The following PRKCE variants were observed in gnomAD, a reference collection of about 807,000 sequenced individuals.
The protein encoded by PRKCE is protein kinase C epsilon, also known as protein kinase C epsilon type.
PRKCE carries 16 observed loss-of-function variants against 85.4 expected under a neutral mutation model. The observed-to-expected ratio is 0.19, with a 90% CI of 0.13 to 0.28. The LOEUF (loss-of-function observed/expected upper bound fraction) is 0.28. Among genes scored for constraint, PRKCE ranks in the 10% least tolerant of loss-of-function variants. The pLI is 1.00. For missense variants in PRKCE, 573 were observed against 975.2 expected (o/e 0.59, Z 5.49); for synonymous variants, 388 against 371.5 (o/e 1.04, Z -0.51).
chr2:45,984,870 A>T (rs763282407), intron 6 of PRKCE, among the ~76,000 whole-genome samples, 190 bp downstream of exon 6: 1 of 152,260 alleles, frequency 6.6e-6, no homozygotes, highest in Non-Finnish European at 1.5e-5. Flanking sequence ...ACCATCCAGG[A>T]CTGGGTGGAG....
In PRKCE at chr2:46,004,455, C is replaced by T. The variant is rs956914866; in HGVS notation, c.967-87C>T. 9.0e-7 allele frequency: 1 copy of T among 1,108,436 alleles called. No homozygotes were observed. The highest frequency in any genetic ancestry group is 1.3e-6 in the Non-Finnish European group (1 of 759,680). The allele number at this position is 1,108,436 out of a possible 1,614,324, so 68.7% of individuals were successfully genotyped here. ...TGCTGCTCTGGGAACTCTCATGGCT[C>T]TTATACGGCATCTTGATGCTTTTGA... On this transcript the variant is annotated intron_variant, in intron 7 of 14. Coordinates refer to ENST00000306156, the MANE Select transcript of PRKCE (RefSeq NM_005400.3). This position sits in a 1 kb window ranked among gnomAD's most constrained non-coding sequence, Gnocchi z 4.1.
At chr2:45,890,851 T>C (rs910278885) in intron 2 of PRKCE, among the ~76,000 whole-genome samples, 1 of 152,084 alleles carries the variant, frequency 6.6e-6, no homozygotes, top group Non-Finnish European at 1.5e-5. Flanking sequence ...TTTTGTTGGA[T>C]AGAGTGGAAT....
intron 11 of PRKCE, among the ~76,000 whole-genome samples, chr2:46,117,960 A>G (rs545072393): frequency 1.3e-5 from 2 of 152,298 alleles, no homozygotes; most frequent in Admixed American, 6.5e-5. Context: ...CTAATCCTCA[A>G]TCCTGTAAAA....
At chr2:46,060,897 G>C (rs930054160) in intron 10 of PRKCE, among the ~76,000 whole-genome samples, 6 of 151,656 alleles carry the variant, frequency 4.0e-5, no homozygotes, top group African/African-American at 1.5e-4. Context: ...GAGTAGCTGG[G>C]ACCGCAGGCG....
At chr2:45,742,478 T>G (rs1682661588) in intron 1 of PRKCE, among the ~76,000 whole-genome samples, 1 of 151,998 alleles carries the variant, frequency 6.6e-6, no homozygotes, top group Non-Finnish European at 1.5e-5. Flanking sequence ...ATGTACATTT[T>G]TCCAAAGAAG....
intron 10 of PRKCE, among the ~76,000 whole-genome samples, chr2:46,014,533 A>G (rs1411060518): frequency 6.6e-6 from 1 of 152,208 alleles, no homozygotes; most frequent in East Asian, 1.9e-4. Context: ...TAACATTGTC[A>G]GTAGTGTTTA....
At chr2:46,061,859 C>CTTTTTTTTT (rs10695600) in intron 10 of PRKCE, among the ~76,000 whole-genome samples, 17 of 107,746 alleles carry the variant, frequency 1.6e-4, no homozygotes, top group South Asian at 2.8e-4. Context: ...TTTTCTTTTT[C>CTTTTTTTTT]TTTTTTTTTT....
Position 46,004,091 on chromosome 2 carries a change from C to T in PRKCE, c.967-451C>T, listed in dbSNP as rs1018267733. The stretch of plus-strand genomic sequence containing the variant: ...ACCACCTTGCTGGGGTAGATACCCA[C>T]GTGGATAGTTGAACATTAGCCTTTT... On this transcript the variant is annotated intron_variant, in intron 7 of 14. Transcript: ENST00000306156. This position sits in a 1 kb window ranked among gnomAD's most constrained non-coding sequence, Gnocchi z 4.1. The T allele has an allele frequency of 5.1e-5, 12 of 236,712 alleles. No individual in the cohort carries two copies. Among genetic ancestry groups the T allele is most frequent in the African/African-American group, 6.8e-5 (3 of 43,986 alleles). The allele number at this position is 236,712 out of a possible 1,614,324, so 14.7% of individuals were successfully genotyped here.
At chr2:45,667,262 G>T (rs1216853036) in intron 1 of PRKCE, among the ~76,000 whole-genome samples, 2 of 151,396 alleles carry the variant, frequency 1.3e-5, no homozygotes, top group Non-Finnish European at 2.9e-5. Context: ...GGTGAGCCGA[G>T]ATCACACCAC....
intron 6 of PRKCE, among the ~76,000 whole-genome samples, chr2:45,996,116 T>G (rs1266887295): frequency 1.3e-5 from 2 of 152,156 alleles, no homozygotes; most frequent in East Asian, 3.8e-4. Context: ...TTTGGGGGAA[T>G]GATAACATAG....
In PRKCE at chr2:45,982,246, G is replaced by C. The variant is rs61764804; in HGVS notation, c.693+1865G>C. ...TTGCCCTCTGCCGGGTTACTGAACT[G>C]CTGGGGACCAAACTTTGAGTTCGTT... On this transcript the variant is annotated intron_variant, in intron 5 of 14. Transcript: ENST00000306156. Among the ~76,000 whole-genome samples the C allele has an allele frequency of 3.3e-3, 485 of 145,346 alleles. 3 individuals are homozygous for C. The highest frequency in any genetic ancestry group is 0.012 in the African/African-American group (460 of 38,270).
At chr2:45,945,544 G>A (rs1232394004) in intron 2 of PRKCE, among the ~76,000 whole-genome samples, 2 of 152,182 alleles carry the variant, frequency 1.3e-5, no homozygotes, top group African/African-American at 4.8e-5. Flanking sequence ...GATTTGGAGA[G>A]GACAAACGTC....
intron 1 of PRKCE, among the ~76,000 whole-genome samples, chr2:45,769,918 A>C (rs1276849163): frequency 6.6e-6 from 1 of 152,232 alleles, no homozygotes; most frequent in East Asian, 1.9e-4. Flanking sequence ...ACACGGCGCC[A>C]ATCTCCCATG....
At chr2:45,918,773 G>C (rs191180899) in intron 2 of PRKCE, among the ~76,000 whole-genome samples, 105 of 152,316 alleles carry the variant, frequency 6.9e-4, no homozygotes, top group African/African-American at 2.4e-3. Context: ...GTTGGCGAGG[G>C]GGGGAATGGG....
At chr2:45,971,494 G>A (rs975306624) in intron 2 of PRKCE, among the ~76,000 whole-genome samples, 13 of 152,070 alleles carry the variant, frequency 8.5e-5, no homozygotes, top group African/African-American at 2.9e-4. Flanking sequence ...CTTTCCTTTA[G>A]CCTCACACTT....
intron 2 of PRKCE, among the ~76,000 whole-genome samples, chr2:45,971,892 G>A (rs1280542817): frequency 6.6e-6 from 1 of 152,210 alleles, no homozygotes; most frequent in Middle Eastern, 3.4e-3. Context: ...TCCATGTCTT[G>A]GCTATTGTGA....
intron 2 of PRKCE, among the ~76,000 whole-genome samples, chr2:45,916,597 C>A (rs1163489850): frequency 1.3e-5 from 2 of 152,174 alleles, no homozygotes; most frequent in African/African-American, 2.4e-5. Context: ...TTTATTTGAG[C>A]AATTTTGACA....
chr2:46,109,594 G>A (rs1672065532), intron 11 of PRKCE, among the ~76,000 whole-genome samples: 2 of 152,044 alleles, frequency 1.3e-5, no homozygotes, highest in South Asian at 2.1e-4. Flanking sequence ...AATTACAGGA[G>A]TTTTTTGTCG....
intron 11 of PRKCE, among the ~76,000 whole-genome samples, chr2:46,140,036 C>G (rs1574576280): frequency 6.6e-6 from 1 of 151,972 alleles, no homozygotes; most frequent in East Asian, 1.9e-4. Context: ...TTAAAATGCT[C>G]CTAAGGGACA....
Sources: gnomAD v4.1 joint callset for allele counts (sites outside exome capture counted in the v4.1 genomes callset) on GRCh38, gnomAD v4.1.1 for gene constraint, Gnocchi (gnomAD v3.1) non-coding constraint, MANE v1.5 for transcripts, NCBI Gene and HGNC (gene_info 2026-07-23, HGNC 2026-07-21) for gene names.